The following STPG2 variants were observed in gnomAD, a reference collection of about 807,000 sequenced individuals.
STPG2 encodes the protein sperm-tail PG-rich repeat-containing protein 2.
A neutral mutation model predicts 54.2 loss-of-function variants in STPG2; 56 were observed. That is an observed-to-expected ratio of 1.03 (90% CI 0.83 to 1.29). The LOEUF is 1.29. STPG2 is among the 50% of genes most tolerant of loss of function. The pLI, the probability that STPG2 is intolerant of heterozygous loss-of-function variation, is 0.00. For missense variants in STPG2, 596 were observed against 544.9 expected, an observed-to-expected ratio of 1.09 and a Z score of -0.93; for synonymous variants, 200 against 181.8, an observed-to-expected ratio of 1.10 and a Z score of -0.81.
At chr4:97,908,717 G>T (rs1173642472) in intron 8 of STPG2, among the ~76,000 whole-genome samples, 1 of 151,612 alleles carries the variant, frequency 6.6e-6, no homozygotes, top group Non-Finnish European at 1.5e-5. Context: ...CCTTTGTAGG[G>T]ACATGGATGA....
At chr4:97,979,458 T>C (rs1734598735) in intron 6 of STPG2, among the ~76,000 whole-genome samples, 1 of 152,146 alleles carries the variant, frequency 6.6e-6, no homozygotes, top group Non-Finnish European at 1.5e-5. Context: ...GATCTGATTA[T>C]CCTATATCTC....
chr4:98,100,703 T>G (rs186073677), intron 5 of STPG2, among the ~76,000 whole-genome samples: 1 of 143,228 alleles, frequency 7.0e-6, no homozygotes, highest in African/African-American at 2.6e-5. Context: ...TGAGACAGAG[T>G]CTTGCTCTGT....
At chr4:97,928,850 G>C (rs2149216715) in intron 8 of STPG2, among the ~76,000 whole-genome samples, 1 of 152,000 alleles carries the variant, frequency 6.6e-6, no homozygotes, top group African/African-American at 2.4e-5. Context: ...TCTTTTATTT[G>C]TGTAGTTGAT....
In STPG2 at chr4:97,530,785, C is replaced by T. The variant is rs1382648836; in HGVS notation, c.462+181914G>A. 2.0e-5 allele frequency among the ~76,000 whole-genome samples: 3 copies of T among 152,126 alleles called. No homozygotes were observed. In the East Asian group the frequency reaches 5.8e-4, roughly 29 times the overall value. ...TGCTGAATTGTCAATGGCACCCCTC[C>T]CCCATTTCCCAGCAGCGGTGAGCTG... On this transcript the variant is annotated intron_variant, in intron 4 of 4. Coordinates refer to the STPG2 transcript ENST00000522676.
intron 9 of STPG2, among the ~76,000 whole-genome samples, chr4:97,756,385 A>G (rs1242828763): frequency 6.6e-6 from 1 of 152,116 alleles, no homozygotes; most frequent in East Asian, 1.9e-4. Flanking sequence ...GCAATGGCAC[A>G]ATCTTGGCTC....
At chr4:97,598,928 G>A (rs1733379774) in intron 10 of STPG2, among the ~76,000 whole-genome samples, 2 of 152,032 alleles carry the variant, frequency 1.3e-5, no homozygotes, top group South Asian at 2.1e-4. Flanking sequence ...TGACAAATGG[G>A]ACCTGATTAA....
At chr4:97,602,774 A>C (rs1733497009) in intron 10 of STPG2, among the ~76,000 whole-genome samples, 1 of 151,772 alleles carries the variant, frequency 6.6e-6, no homozygotes, top group Non-Finnish European at 1.5e-5. Context: ...CTGTACAAGG[A>C]TTCATTATTT....
At chr4:97,997,189 G>T (rs1735267830) in intron 5 of STPG2, among the ~76,000 whole-genome samples, 1 of 152,190 alleles carries the variant, frequency 6.6e-6, no homozygotes, top group South Asian at 2.1e-4. Context: ...GAATCAATCT[G>T]AATGCCCATC....
At chr4:97,636,259 T>G (rs954607662) in intron 10 of STPG2, among the ~76,000 whole-genome samples, 406 of 145,662 alleles carry the variant, frequency 2.8e-3, no homozygotes, top group Non-Finnish European at 4.5e-3. Flanking sequence ...CATAACGAAA[T>G]GAAGGCAGAA....
chr4:98,081,501 T>A (rs2110116439), intron 5 of STPG2, among the ~76,000 whole-genome samples: 1 of 152,324 alleles, frequency 6.6e-6, no homozygotes, highest in South Asian at 2.1e-4. Context: ...GGGAGACCAT[T>A]ATTTGGAGAA....
intron 4 of STPG2, among the ~76,000 whole-genome samples, chr4:97,470,023 C>A (rs1578323625): frequency 6.6e-6 from 1 of 152,094 alleles, no homozygotes; most frequent in East Asian, 1.9e-4. Context: ...TAAAAAATAT[C>A]CTTATGTAAC....
chr4:98,042,673 T>G (rs1439967685), intron 5 of STPG2, among the ~76,000 whole-genome samples: 1 of 151,870 alleles, frequency 6.6e-6, no homozygotes, highest in Admixed American at 6.6e-5. Context: ...AGAAAATATG[T>G]ATTATAATTT....
chr4:97,811,566 G>T (rs1050951246), intron 9 of STPG2, among the ~76,000 whole-genome samples: 1 of 151,910 alleles, frequency 6.6e-6, no homozygotes, highest in Non-Finnish European at 1.5e-5. Flanking sequence ...TATATAAGTG[G>T]TTGGGGCAGA....
At chr4:98,115,324 C>T (rs1165272028) in intron 3 of STPG2, among the ~76,000 whole-genome samples, 1 of 151,986 alleles carries the variant, frequency 6.6e-6, no homozygotes, top group Non-Finnish European at 1.5e-5. Context: ...TCAGTATCAT[C>T]ATTCCAATCA....
At chr4:97,858,702 A>C (rs958339945) in intron 8 of STPG2, among the ~76,000 whole-genome samples, 3 of 152,146 alleles carry the variant, frequency 2.0e-5, no homozygotes, top group Non-Finnish European at 4.4e-5. Flanking sequence ...CACCAACTCC[A>C]TCCAGGTTGC....
chr4:97,791,379 T>A (rs1259454897), intron 9 of STPG2, among the ~76,000 whole-genome samples: 1 of 152,144 alleles, frequency 6.6e-6, no homozygotes, highest in Admixed American at 6.5e-5. Flanking sequence ...TGAAATAAAA[T>A]TGCTACGAGT....
intron 7 of STPG2, among the ~76,000 whole-genome samples, chr4:97,949,624 C>T (rs139024192): frequency 1.5e-3 from 235 of 152,104 alleles, no homozygotes; most frequent in African/African-American, 5.6e-3. Flanking sequence ...TTTCTCAGCA[C>T]TTATTTGTCT....
intron 9 of STPG2, among the ~76,000 whole-genome samples, chr4:97,744,243 A>G (rs1159608120): frequency 1.3e-5 from 2 of 151,320 alleles, no homozygotes; most frequent in Non-Finnish European, 3.0e-5. Context: ...AATTTCATTT[A>G]TATTACTCAT....
chr4:97,892,454 G>C (rs983002547), intron 8 of STPG2, among the ~76,000 whole-genome samples: 1 of 152,184 alleles, frequency 6.6e-6, no homozygotes, highest in African/African-American at 2.4e-5. Flanking sequence ...GCCCAGGAAA[G>C]AGAACAAAAT....
Sources: gnomAD v4.1 joint callset for allele counts (sites outside exome capture counted in the v4.1 genomes callset) on GRCh38, gnomAD v4.1.1 for gene constraint, MANE v1.5 for transcripts, NCBI Gene and HGNC (gene_info 2026-07-23, HGNC 2026-07-21) for gene names.